ZNF407: variants seen among roughly 807,000 people sequenced by gnomAD.
ZNF407 encodes zinc finger protein 407.
A neutral mutation model predicts 131.2 loss-of-function variants in ZNF407; 17 were observed. That is an observed-to-expected ratio of 0.13 (90% confidence interval 0.09 to 0.19). ZNF407 has a LOEUF of 0.19. Ranked by LOEUF, ZNF407 falls within the 10% of genes least tolerant of loss-of-function variation. The pLI is 1.00. For missense variants in ZNF407, 2,681 were observed against 2,830.6 expected (o/e 0.95, Z 1.20); for synonymous variants, 1,156 against 1,062.0 (o/e 1.09, Z -1.72).
intron 3 of ZNF407, among the ~76,000 whole-genome samples, chr18:74,721,865 A>G (rs961825659): frequency 1.3e-5 from 2 of 151,984 alleles, no homozygotes; most frequent in African/African-American, 2.4e-5. Flanking sequence ...CTTCCCCTTT[A>G]TTATTTAAAT....
intron 8 of ZNF407, among the ~76,000 whole-genome samples, chr18:74,952,644 T>A (rs1478172833): frequency 6.6e-6 from 1 of 152,218 alleles, no homozygotes; most frequent in East Asian, 1.9e-4. Flanking sequence ...AGGGAAAATC[T>A]CTCTTAAGAA....
intron 8 of ZNF407, among the ~76,000 whole-genome samples, chr18:75,016,537 TG>T: frequency 6.6e-6 from 1 of 152,118 alleles, no homozygotes; most frequent in East Asian, 1.9e-4. Flanking sequence ...CTGACTCATA[TG>T]TGTAATCATG....
chr18:74,880,978 G>C, intron 5 of ZNF407, 58 bp from the exon 6 acceptor site: 1 of 1,427,070 alleles, frequency 7.0e-7, no homozygotes, highest in Non-Finnish European at 9.7e-7. Flanking sequence ...AGCCTTGATA[G>C]ATATGTTTTA....
At position 74,634,404 on chromosome 18, in the gene ZNF407, A is replaced by G. The variant is rs1196323348; in HGVS notation, c.3385A>G (p.Ile1129Val). The G allele has an allele frequency of 7.4e-6, 12 of 1,613,616 alleles. No individual in the cohort carries two copies. The highest frequency in any genetic ancestry group is 1.0e-5 in the Non-Finnish European group (12 of 1,179,862). Residue 1129 changes from isoleucine to valine, a missense_variant, in exon 2 of 9, where the codon ATT becomes GTT. Ile to Val is a conservative substitution (Grantham distance 29). This residue lies in a region of ZNF407 where 1,789 missense variants were observed against 1,748.7 expected (regional missense o/e 1.02). Coordinates refer to ENST00000299687, the MANE Select transcript of ZNF407 (RefSeq NM_017757.3). ...LKSRNAADCS[I>V]LNENTNLDMS... ...ATCTAGAAATGCTGCAGATTGCTCT[A>G]TTTTAAATGAGAATACTAATTTAGA...
intron 1 of ZNF407, among the ~76,000 whole-genome samples, chr18:74,608,637 G>A (rs1268222835): frequency 6.6e-6 from 1 of 152,132 alleles, no homozygotes; most frequent in Admixed American, 6.5e-5. Flanking sequence ...GTAAGCCACC[G>A]CGCCTGGCCA....
intron 4 of ZNF407, among the ~76,000 whole-genome samples, chr18:74,805,115 G>A (rs1970089612): frequency 6.6e-6 from 1 of 152,176 alleles, no homozygotes; most frequent in African/African-American, 2.4e-5. Flanking sequence ...CTGTGTTATA[G>A]GAGGTGCATT....
Position 74,706,940 on chromosome 18 carries a change from C to CTT in ZNF407, c.4802+65844_4802+65845dup, listed in dbSNP as rs34700805. 2.2e-4 allele frequency among the ~76,000 whole-genome samples: 29 copies of CTT among 132,334 alleles called. 3 individuals carry two copies. Among genetic ancestry groups the CTT allele is most frequent in the African/African-American group, 6.0e-4 (20 of 33,066 alleles). 86.8% of individuals were successfully genotyped at this position (132,334 alleles called of 152,430 possible). ...CATTCCACAGGGGCAAAGACAGCAGCTTTTTTTTTTTTTTTTTTTTTTTTT... is the reference window on the plus strand; with the variant it reads ...CATTCCACAGGGGCAAAGACAGCAGCTTTTTTTTTTTTTTTTTTTTTTTTTTT... On this transcript the variant is annotated intron_variant, in intron 3 of 8. Transcript: ENST00000299687.
At chr18:74,600,755 G>T (rs952834521) in intron 1 of ZNF407, among the ~76,000 whole-genome samples, 4 of 152,200 alleles carry the variant, frequency 2.6e-5, no homozygotes, top group Non-Finnish European at 5.9e-5. Flanking sequence ...AGGTAATGTG[G>T]AACATTTCAA....
At chr18:75,059,901 G>A (rs775960925) in intron 8 of ZNF407, among the ~76,000 whole-genome samples, 4 of 152,188 alleles carry the variant, frequency 2.6e-5, no homozygotes, top group Admixed American at 6.5e-5. Context: ...ATCTTCCCTC[G>A]GTCAAGGCAC....
chr18:75,063,821 G>A lies in ZNF407; in HGVS notation c.6100G>A (p.Asp2034Asn), dbSNP rs182605322. ...GCAGGAGGTCTCCCATGTGGCTGCC[G>A]ACCCCGAGGCCCCCGAGATCCAGAT... ...PGQEVSHVAA[D>N]PEAPEIQMFP... The change falls in exon 9 of 9, where the codon GAC becomes AAC. Residue 2034 changes from aspartate (D) to asparagine (N), a missense_variant. Physicochemically the swap from Asp to Asn is conservative, Grantham distance 23. Around this residue, in one of 6 missense-constraint regions of ZNF407, gnomAD observed 620 missense variants for 583.1 expected, o/e 1.06. Transcript: ENST00000299687. The surrounding 1 kb of genome is among the most constrained non-coding windows in gnomAD (Gnocchi z 6.6). 8.7e-4 allele frequency: 1,393 copies of A among 1,607,550 alleles called. 9 individuals are homozygous for A. In the African/African-American group the frequency reaches 0.014, roughly 17 times the overall value.
chr18:74,757,919 A>G (rs1315999147), intron 3 of ZNF407, among the ~76,000 whole-genome samples: 2 of 152,022 alleles, frequency 1.3e-5, no homozygotes, highest in East Asian at 3.8e-4. Flanking sequence ...TCCTTTTAAC[A>G]TTTATTTTCT....
chr18:74,984,837 ACATAACTGGACTTCTCT>A (rs371321241), intron 8 of ZNF407, among the ~76,000 whole-genome samples: 3,754 of 152,330 alleles, frequency 0.025, 146 homozygotes, highest in African/African-American at 0.083. Context: ...ACAAAGTATC[ACATAACTGGACTTCTCT>A]AGTCCACTCA....
Position 74,635,677 on chromosome 18 carries a change from C to A in ZNF407, c.4658C>A (p.Ala1553Asp). ...ATGTGTCGAAGCAGCAACTCGATGG[C>A]CTTCCTGGCACACATTCGCACTCAC... ...GKMCRSSNSM[A>D]FLAHIRTHTG... The change falls in exon 2 of 9, where the codon GCC becomes GAC. Residue 1553 changes from alanine (A) to aspartate (D), a missense_variant. Transcript: ENST00000299687. The surrounding 1 kb of genome is among the most constrained non-coding windows in gnomAD (Gnocchi z 4.7). 6.2e-7 allele frequency: 1 copy of A among 1,600,804 alleles called. No homozygotes were observed.
rs1973458905 is a variant in ZNF407, at chr18:75,048,265, A to G, written c.5429-14885A>G. Among the ~76,000 whole-genome samples the G allele has an allele frequency of 6.6e-6, 1 of 152,184 alleles. No homozygotes were observed. Among genetic ancestry groups the G allele is most frequent in the South Asian group, 2.1e-4 (1 of 4,820 alleles). On this transcript the variant is annotated intron_variant, in intron 8 of 8. Transcript: ENST00000299687. The surrounding 1 kb of genome is among the most constrained non-coding windows in gnomAD (Gnocchi z 4.1). ...TGATTAATTTCGTGGTCTTTCTGGT[A>G]TTATGCGTCAGAGGCCTAATTTTTG...
At chr18:74,853,705 C>T (rs938409543) in intron 4 of ZNF407, among the ~76,000 whole-genome samples, 3 of 152,054 alleles carry the variant, frequency 2.0e-5, no homozygotes, top group Non-Finnish European at 2.9e-5. Flanking sequence ...CTTTACTTGT[C>T]TGTGTTGCTG....
intron 4 of ZNF407, among the ~76,000 whole-genome samples, chr18:74,866,935 CCCCTGTGTT>C (rs1971019772): frequency 2.0e-5 from 3 of 146,832 alleles, no homozygotes; most frequent in African/African-American, 7.5e-5. Flanking sequence ...ATCCCTAGAG[CCCCTGTGTT>C]TGAGACCAGC....
intron 1 of ZNF407, among the ~76,000 whole-genome samples, chr18:74,617,010 CACACACCACACATATCCAT>C (rs1983330929): frequency 6.8e-6 from 1 of 147,468 alleles, no homozygotes; most frequent in African/African-American, 2.6e-5. Flanking sequence ...CATCCATATC[CACACACCACACATATCCAT>C]ATCCACACAG....
chr18:74,866,179 G>T (rs931746347), intron 4 of ZNF407, among the ~76,000 whole-genome samples: 3 of 152,154 alleles, frequency 2.0e-5, no homozygotes, highest in African/African-American at 7.2e-5. Context: ...CTGTGTCTAT[G>T]TTGAATTGGT....
chr18:75,033,477 A>G (rs796524112), intron 8 of ZNF407, among the ~76,000 whole-genome samples: 3 of 152,212 alleles, frequency 2.0e-5, no homozygotes, highest in African/African-American at 7.2e-5. Flanking sequence ...ACAAACAACA[A>G]TAGACAGAGT....
Sources: gnomAD v4.1 joint callset for allele counts (sites outside exome capture counted in the v4.1 genomes callset) on GRCh38, gnomAD v4.1.1 for gene constraint, gnomAD v4.1.1 regional missense constraint, Gnocchi (gnomAD v3.1) non-coding constraint, MANE v1.5 for transcripts, NCBI Gene and HGNC (gene_info 2026-07-23, HGNC 2026-07-21) for gene names.